Variants in TFB2M observed in about 807,000 individuals in gnomAD.
The protein encoded by TFB2M is dimethyladenosine transferase 2, mitochondrial.
Under a neutral mutation model 41.3 loss-of-function variants are expected in TFB2M, and 44 were observed. That is an observed-to-expected ratio of 1.07 (90% CI 0.84 to 1.37). The LOEUF (loss-of-function observed/expected upper bound fraction) is 1.37. Among genes scored for constraint, TFB2M ranks in the 40% most tolerant of loss-of-function variants. The probability of loss-of-function intolerance (pLI) is 0.00; values close to 1 mark genes in which losing one functional copy is unlikely to be tolerated. For missense variants in TFB2M, 496 were observed against 490.2 expected (o/e 1.01, Z -0.11); for synonymous variants, 188 against 176.8 (o/e 1.06, Z -0.50).
intron 7 of TFB2M, among the ~76,000 whole-genome samples, chr1:246,541,424 AT>A (rs1658853911): frequency 5.6e-5 from 1 of 17,870 alleles, no homozygotes; most frequent in Non-Finnish European, 9.3e-5. Context: ...AATGTACACT[AT>A]TTGGGCATGG....
intron 2 of TFB2M, among the ~76,000 whole-genome samples, chr1:246,562,569 T>A (rs557036252): frequency 2.0e-5 from 3 of 152,184 alleles, no homozygotes; most frequent in East Asian, 3.9e-4. Flanking sequence ...AATGCAGGTA[T>A]ACAACACGAA....
chr1:246,562,530 C>T lies in TFB2M; in HGVS notation c.402+1816G>A, dbSNP rs1323384306. 3.3e-5 allele frequency among the ~76,000 whole-genome samples: 5 copies of T among 152,236 alleles called. No individual in the cohort carries two copies. The East Asian group carries it at 9.6e-4, about 29-fold the overall frequency. ...AAGCCAAAAGTGGAAAATTTGACACCCGACCTTCTGTGACAGGCTTGCAGT... is the reference window on the plus strand; with the variant it reads ...AAGCCAAAAGTGGAAAATTTGACACTCGACCTTCTGTGACAGGCTTGCAGT... On this transcript the variant is annotated intron_variant, in intron 2 of 7. Coordinates refer to ENST00000366514, the MANE Select transcript of TFB2M (RefSeq NM_022366.3).
intron 4 of TFB2M, 53 bp downstream of exon 4, chr1:246,556,520 C>T: frequency 7.6e-7 from 1 of 1,321,042 alleles, no homozygotes; most frequent in Admixed American, 2.7e-5. Context: ...TAAGAGTACT[C>T]AGAGAAAAAT....
At position 246,548,581 on chromosome 1, in the gene TFB2M, G is replaced by A. The variant is rs777256607; in HGVS notation, c.822C>T (p.Tyr274=). ...GGTTTTCCAGCGGCCCTTTCCGGGT[G>A]TATATATCAAATGATGACCAAGGCT... is the stretch of plus-strand genomic sequence containing the variant. ...HMEPWSSFDI[Y]TRKGPLENPK... Residue 274 remains tyrosine (Y), a synonymous_variant, in exon 6 of 8, where the codon TAC becomes TAT. Coordinates refer to ENST00000366514, the MANE Select transcript of TFB2M (RefSeq NM_022366.3). 5 of 1,613,310 alleles carry A rather than the reference G, an allele frequency of 3.1e-6. No homozygotes were observed. In the East Asian group the frequency reaches 1.1e-4, roughly 36 times the overall value.
intron 6 of TFB2M, among the ~76,000 whole-genome samples, chr1:246,546,985 T>TCACACACACACACAC (rs1558509715): frequency 1.5e-5 from 1 of 64,568 alleles, no homozygotes; most frequent in Non-Finnish European, 3.2e-5. Context: ...ACACACACAT[T>TCACACACACACACAC]TTTTTTTTTT....
At chr1:246,548,098 C>T (rs547537812) in intron 6 of TFB2M, among the ~76,000 whole-genome samples, 3 of 152,126 alleles carry the variant, frequency 2.0e-5, no homozygotes, top group Non-Finnish European at 4.4e-5. Flanking sequence ...AGGCATGCGC[C>T]ACCACACCCA....
At chr1:246,546,959 GTATA>G (rs1553363663) in intron 6 of TFB2M, among the ~76,000 whole-genome samples, 2 of 74,274 alleles carry the variant, frequency 2.7e-5, no homozygotes, top group African/African-American at 7.3e-5. Context: ...GTTTATATAT[GTATA>G]TATACACACA....
Position 246,557,405 on chromosome 1 carries a change from T to G in TFB2M, c.532A>C (p.Ile178Leu). Residue 178 changes from isoleucine to leucine, a missense_variant, in exon 3 of 8, where the codon ATA becomes CTA. Coordinates refer to ENST00000366514, the MANE Select transcript of TFB2M (RefSeq NM_022366.3). ...CCTGCTGTCCAAGGAACTGCTTCTA[T>G]TCCCAAATTCTTAAAGAGCCCTCGA... ...SSRGLFKNLG[I>L]EAVPWTADIP... is the part of the protein sequence containing the mutation. The G allele has an allele frequency of 6.2e-7, 1 of 1,612,640 alleles. No individual in the cohort carries two copies. Among genetic ancestry groups the G allele is most frequent in the Non-Finnish European group, 8.5e-7 (1 of 1,179,628 alleles).
At chr1:246,565,049 C>T (rs562145788) in intron 1 of TFB2M, among the ~76,000 whole-genome samples, 2 of 152,294 alleles carry the variant, frequency 1.3e-5, no homozygotes, top group East Asian at 3.9e-4. Context: ...AATAGATTGC[C>T]TCTAGCCTAT....
Position 246,544,549 on chromosome 1 carries a change from G to A in TFB2M, c.991C>T (p.Arg331Cys), listed in dbSNP as rs200729611. 105 of 1,607,880 alleles carry A rather than the reference G, an allele frequency of 6.5e-5. No individual in the cohort carries two copies. The highest frequency in any genetic ancestry group is 8.3e-5 in the Non-Finnish European group (98 of 1,178,514). ...FHLLKHCFGR[R>C]SATVIDHLRS... ...AAGTGGTCTATTACAGTGGCGCTGCGCCTCCCAAAACAGTGCTTTAACAAG... is the reference window on the plus strand; with the variant it reads ...AAGTGGTCTATTACAGTGGCGCTGCACCTCCCAAAACAGTGCTTTAACAAG... Residue 331 changes from arginine to cysteine, a missense_variant, in exon 7 of 8, where the codon CGC (arginine) becomes TGC (cysteine). Coordinates refer to ENST00000366514, the MANE Select transcript of TFB2M (RefSeq NM_022366.3).
At chr1:246,564,551 C>T (rs940366683) in intron 1 of TFB2M, 117 bp from the exon 2 acceptor site, 7 of 827,272 alleles carry the variant, frequency 8.5e-6, no homozygotes, top group African/African-American at 3.4e-5. Context: ...TGACAGCATC[C>T]GCAAAGTAGA....
chr1:246,564,479 A>G lies in TFB2M; in HGVS notation c.314-45T>C, dbSNP rs1328459330. ...AAAAGTTTATTTGTACAAGAAACATAATCTCTTTCAATACCAAACTTTCAT... is the reference window on the plus strand; with the variant it reads ...AAAAGTTTATTTGTACAAGAAACATGATCTCTTTCAATACCAAACTTTCAT... On this transcript the variant is annotated intron_variant, in intron 1 of 7. Transcript: ENST00000366514. 20 of 1,534,148 alleles carry G rather than the reference A, an allele frequency of 1.3e-5. No homozygotes were observed. In the East Asian group the frequency reaches 4.5e-4, roughly 35 times the overall value.
Position 246,564,448 on chromosome 1 carries a change from A to C in TFB2M, c.314-14T>G, listed in dbSNP as rs1342732215. On this transcript the variant is annotated splice_polypyrimidine_tract_variant and intron_variant, in intron 1 of 7. Transcript: ENST00000366514. ...GGATTCCAGGACCTGGCACATTAAC[A>C]GAACGAAAAGTTTATTTGTACAAGA... 1.9e-6 allele frequency: 3 copies of C among 1,610,652 alleles called. No individual in the cohort carries two copies. The highest frequency in any genetic ancestry group is 2.5e-6 in the Non-Finnish European group (3 of 1,177,484).
Position 246,564,326 on chromosome 1 carries a change from T to C in TFB2M, c.402+20A>G, listed in dbSNP as rs1366261492. 4 of 1,609,618 alleles carry C rather than the reference T, an allele frequency of 2.5e-6. No individual in the cohort carries two copies. The highest frequency in any genetic ancestry group is 1.7e-5 in the Admixed American group (1 of 60,016). On this transcript the variant is annotated intron_variant, in intron 2 of 7. Transcript: ENST00000366514. ...ATAGTTGAACAAACAATAACATACGTTGAGAAACTAAAAATATACCTCCAA... is the reference window on the plus strand; with the variant it reads ...ATAGTTGAACAAACAATAACATACGCTGAGAAACTAAAAATATACCTCCAA...
chr1:246,562,547 G>T (rs1380690953), intron 2 of TFB2M, among the ~76,000 whole-genome samples: 1 of 152,186 alleles, frequency 6.6e-6, no homozygotes, highest in Admixed American at 6.5e-5. Context: ...TCTGTGACAG[G>T]CTTGCAGTGA....
chr1:246,558,080 T>C (rs758594892), intron 2 of TFB2M, among the ~76,000 whole-genome samples: 2 of 151,626 alleles, frequency 1.3e-5, no homozygotes, highest in Non-Finnish European at 2.9e-5. Flanking sequence ...ACCTGAAAAG[T>C]GGCAAAAGTA....
At chr1:246,546,835 C>G (rs1403641523) in intron 6 of TFB2M, among the ~76,000 whole-genome samples, 1 of 151,954 alleles carries the variant, frequency 6.6e-6, no homozygotes, top group African/African-American at 2.4e-5. Flanking sequence ...TTAAATGTCT[C>G]AAACTGCTTC....
chr1:246,555,445 G>A (rs1356237240), intron 4 of TFB2M, among the ~76,000 whole-genome samples: 1 of 152,092 alleles, frequency 6.6e-6, no homozygotes, highest in Non-Finnish European at 1.5e-5. Context: ...GCCTGGTGGT[G>A]TGTGGCTGCA....
At chr1:246,564,534 T>C (rs1659544723) in intron 1 of TFB2M, 100 bp from the exon 2 acceptor site, 1 of 1,113,582 alleles carries the variant, frequency 9.0e-7, no homozygotes, top group Non-Finnish European at 1.3e-6. Flanking sequence ...TACCTGGTTT[T>C]TAAATCTGAC....
Sources: allele counts gnomAD v4.1 joint callset (sites outside exome capture counted in the v4.1 genomes callset), GRCh38; gene constraint gnomAD v4.1.1; transcripts MANE v1.5; gene names NCBI Gene and HGNC (gene_info 2026-07-23, HGNC 2026-07-21).